The following PDZRN4 variants were observed in gnomAD, a reference collection of about 807,000 sequenced individuals.
The protein encoded by PDZRN4 is PDZ domain-containing RING finger protein 4.
A neutral mutation model predicts 99.0 loss-of-function variants in PDZRN4; 70 were observed. The ratio of observed to expected loss-of-function variants is 0.71; its 90% CI spans 0.58 to 0.86. PDZRN4 has a LOEUF of 0.86. Ranked by LOEUF, PDZRN4 falls within the 40% of genes least tolerant of loss-of-function variation. PDZRN4 has a pLI of 0.00. For missense variants in PDZRN4, 1,474 were observed against 1,331.2 expected (o/e 1.11, Z -1.67); for synonymous variants, 551 against 501.6 (o/e 1.10, Z -1.32).
chr12:41,295,239 T>C (rs1237376556), intron 3 of PDZRN4, among the ~76,000 whole-genome samples: 1 of 151,922 alleles, frequency 6.6e-6, no homozygotes, highest in Admixed American at 6.6e-5. Flanking sequence ...GGCCAAACCA[T>C]CATGAAAATT....
chr12:41,217,841 G>T (rs1335968072), intron 3 of PDZRN4, among the ~76,000 whole-genome samples: 1 of 152,008 alleles, frequency 6.6e-6, no homozygotes, highest in Admixed American at 6.6e-5. Context: ...TCCGCTCTGT[G>T]CTCCCAAGAC....
intron 3 of PDZRN4, chr12:41,437,564 T>C (rs532247469): frequency 4.4e-6 from 1 of 226,348 alleles, no homozygotes; most frequent in African/African-American, 2.3e-5. Context: ...AATATTCATC[T>C]GTCATCAGCA....
intron 3 of PDZRN4, among the ~76,000 whole-genome samples, chr12:41,438,295 G>T (rs1952648944): frequency 6.6e-6 from 1 of 152,124 alleles, no homozygotes; most frequent in African/African-American, 2.4e-5. Flanking sequence ...ATCCATGTCT[G>T]TAATATTTTG....
At chr12:41,550,535 T>C (rs1939034931) in intron 5 of PDZRN4, among the ~76,000 whole-genome samples, 1 of 152,192 alleles carries the variant, frequency 6.6e-6, no homozygotes, top group South Asian at 2.1e-4. Context: ...GGTGTGTACA[T>C]TTTTGCTTCT....
At chr12:41,322,487 C>CTTTTTTTT (rs71081724) in intron 3 of PDZRN4, among the ~76,000 whole-genome samples, 52 of 91,220 alleles carry the variant, frequency 5.7e-4, no homozygotes, top group East Asian at 7.9e-4. Context: ...ATTTTCTTTC[C>CTTTTTTTT]TTTTTTTTTT....
intron 3 of PDZRN4, among the ~76,000 whole-genome samples, chr12:41,453,028 T>C (rs1265314785): frequency 6.6e-6 from 1 of 152,130 alleles, no homozygotes; most frequent in East Asian, 1.9e-4. Flanking sequence ...CCTGCTGATC[T>C]GATGGCAGAG....
intron 5 of PDZRN4, among the ~76,000 whole-genome samples, chr12:41,522,402 A>G (rs907046746): frequency 3.9e-5 from 6 of 152,120 alleles, no homozygotes; most frequent in African/African-American, 1.2e-4. Context: ...CTCCCAAATG[A>G]TGAGCTTTTA....
chr12:41,424,275 T>C (rs563181530), intron 3 of PDZRN4, among the ~76,000 whole-genome samples: 34 of 152,284 alleles, frequency 2.2e-4, no homozygotes, highest in African/African-American at 7.0e-4. Context: ...CTTCAAGGGA[T>C]CTTTAGCTCT....
chr12:41,355,828 C>G (rs1033449191), intron 3 of PDZRN4, among the ~76,000 whole-genome samples: 1 of 151,982 alleles, frequency 6.6e-6, no homozygotes, highest in Non-Finnish European at 1.5e-5. Context: ...AAAAGAAACA[C>G]TAACCAGGAG....
Position 41,258,809 on chromosome 12 carries a change from T to C in PDZRN4, c.843+64621T>C, listed in dbSNP as rs555062732. Among the ~76,000 whole-genome samples the C allele has an allele frequency of 1.2e-4, 19 of 152,172 alleles. No homozygotes were observed. The East Asian group carries it at 2.9e-3, about 23-fold the overall frequency. On this transcript the variant is annotated intron_variant, in intron 3 of 9. Coordinates refer to ENST00000402685, the MANE Select transcript of PDZRN4 (RefSeq NM_001164595.2). Reference sequence around the variant, plus strand: ...AAGAGATATGTCAGGTGGTAACACATACCCAAAGGATAAAGCAAGATAAGG... The same window carrying C: ...AAGAGATATGTCAGGTGGTAACACACACCCAAAGGATAAAGCAAGATAAGG...
Position 41,189,074 on chromosome 12 carries a change from G to A in PDZRN4, c.619G>A (p.Val207Ile). ...TQYMAHVRNF[V>I]GDLGGGHRRD... Reference sequence around the variant, plus strand: ...ATACATGGCTCACGTCCGCAACTTCGTCGGCGACCTCGGTGGCGGCCACCG... The same window carrying A: ...ATACATGGCTCACGTCCGCAACTTCATCGGCGACCTCGGTGGCGGCCACCG... Residue 207 changes from valine to isoleucine, a missense_variant, in exon 1 of 10, where the codon GTC (valine) becomes ATC (isoleucine). Transcript: ENST00000402685. 2 of 1,581,724 alleles carry A rather than the reference G, an allele frequency of 1.3e-6. No homozygotes were observed. Among genetic ancestry groups the A allele is most frequent in the South Asian group, 2.3e-5 (2 of 87,656 alleles).
At chr12:41,537,676 T>C (rs780614315) in intron 5 of PDZRN4, among the ~76,000 whole-genome samples, 9 of 152,124 alleles carry the variant, frequency 5.9e-5, no homozygotes, top group Non-Finnish European at 1.3e-4. Context: ...AGAAGATTCA[T>C]CAGGCAGTAA....
chr12:41,443,832 G>T (rs1315982440), intron 3 of PDZRN4, among the ~76,000 whole-genome samples: 1 of 152,108 alleles, frequency 6.6e-6, no homozygotes, highest in Non-Finnish European at 1.5e-5. Context: ...TCATTTGCAG[G>T]ATATCTAAGC....
At chr12:41,204,645 C>T (rs113464378) in intron 3 of PDZRN4, among the ~76,000 whole-genome samples, 2,398 of 152,112 alleles carry the variant, frequency 0.016, 51 homozygotes, top group African/African-American at 0.047. Flanking sequence ...CCATCAGATC[C>T]TGTGAGAACT....
At chr12:41,302,104 A>G (rs1410652033) in intron 3 of PDZRN4, among the ~76,000 whole-genome samples, 2 of 151,010 alleles carry the variant, frequency 1.3e-5, no homozygotes, top group Non-Finnish European at 2.9e-5. Context: ...GTCTGATTAT[A>G]TATGTGCATA....
At chr12:41,224,944 TAG>T (rs1950982967) in intron 3 of PDZRN4, among the ~76,000 whole-genome samples, 2 of 152,138 alleles carry the variant, frequency 1.3e-5, no homozygotes, top group African/African-American at 4.8e-5. Context: ...ACTTTAGTAA[TAG>T]AGATCATGTT....
chr12:41,435,374 C>T (rs1952619453), intron 3 of PDZRN4, among the ~76,000 whole-genome samples: 1 of 152,174 alleles, frequency 6.6e-6, no homozygotes, highest in Admixed American at 6.5e-5. Context: ...TCTTACTTGG[C>T]TTTCATAACC....
intron 3 of PDZRN4, among the ~76,000 whole-genome samples, chr12:41,210,941 A>G (rs1950883739): frequency 6.6e-6 from 1 of 151,978 alleles, no homozygotes. Flanking sequence ...TATTTCTGTT[A>G]ATTATTTATA....
intron 7 of PDZRN4, among the ~76,000 whole-genome samples, chr12:41,557,877 A>C (rs987921833): frequency 1.7e-4 from 26 of 152,178 alleles, no homozygotes; most frequent in African/African-American, 6.0e-4. Flanking sequence ...AGGGGAATGA[A>C]AAGTGGACCA....
Sources: allele counts gnomAD v4.1 joint callset (sites outside exome capture counted in the v4.1 genomes callset), GRCh38; gene constraint gnomAD v4.1.1; transcripts MANE v1.5; gene names NCBI Gene and HGNC (gene_info 2026-07-23, HGNC 2026-07-21).